Variants in WDR37 observed in about 807,000 individuals in gnomAD.
The protein encoded by WDR37 is WD repeat domain 37.
In WDR37, 19 loss-of-function variants were observed where a neutral mutation model predicts 62.9. That is an observed-to-expected ratio of 0.30 (90% CI 0.21 to 0.44). The LOEUF is 0.44. Among genes scored for constraint, WDR37 ranks in the 20% least tolerant of loss-of-function variants. The pLI, the probability that WDR37 is intolerant of heterozygous loss-of-function variation, is 1.00. For missense variants in WDR37, 474 were observed against 657.6 expected (o/e 0.72, Z 3.05); for synonymous variants, 250 against 260.9 (o/e 0.96, Z 0.40).
intron 7 of WDR37, among the ~76,000 whole-genome samples, chr10:1,089,931 T>G (rs539707339): frequency 6.6e-6 from 1 of 152,330 alleles, no homozygotes; most frequent in African/African-American, 2.4e-5. Context: ...GTCTCTCCTC[T>G]TCCTCCTGGG....
intron 1 of WDR37, among the ~76,000 whole-genome samples, chr10:1,070,513 T>G (rs1445093740): frequency 6.6e-6 from 1 of 152,176 alleles, no homozygotes; most frequent in African/African-American, 2.4e-5. Context: ...ACGACTTCCT[T>G]GAATTCTAAG....
intron 2 of WDR37, among the ~76,000 whole-genome samples, chr10:1,075,201 C>G (rs1314729637): frequency 1.3e-5 from 2 of 151,908 alleles, no homozygotes; most frequent in Admixed American, 6.6e-5. Context: ...CCTCATTTCT[C>G]TGTGCATTTA....
rs1280522580 is a variant in WDR37 at position 1,121,258 on chromosome 10, C to T, written c.1104-2960C>T. ...GGAGTTAGGCGATCTTTTGTTGAGCCTTTTTTCCTATTAATTTAGCAGAAT... is the reference window on the plus strand; with the variant it reads ...GGAGTTAGGCGATCTTTTGTTGAGCTTTTTTTCCTATTAATTTAGCAGAAT... On this transcript the variant is annotated intron_variant, in intron 11 of 13. Coordinates refer to ENST00000263150, the MANE Select transcript of WDR37 (RefSeq NM_014023.4). This position sits in a 1 kb window ranked among gnomAD's most constrained non-coding sequence, Gnocchi z 4.5. Among the ~76,000 whole-genome samples, 1 of 152,134 alleles carries T rather than the reference C, an allele frequency of 6.6e-6. No homozygotes were observed. The highest frequency in any genetic ancestry group is 1.5e-5 in the Non-Finnish European group (1 of 68,034).
intron 13 of WDR37, among the ~76,000 whole-genome samples, 180 bp from the exon 14 acceptor site, chr10:1,129,033 A>G (rs765119973): frequency 6.9e-6 from 1 of 144,770 alleles, no homozygotes; most frequent in Non-Finnish European, 1.5e-5. Flanking sequence ...ACGGTGGTCC[A>G]TGATCTGTGG....
At position 1,056,727 on chromosome 10, in the gene WDR37, C is replaced by CGGGTGTGGGGCGG. The variant is rs1833183482; in HGVS notation, c.-281_-269dup. ...GCCGGGGCGTGACTTCCGGCGCCGC[C>CGGGTGTGGGGCGG]GGGTGTGGGGCGGAGGTGTGGGGCG... On this transcript the variant is annotated 5_prime_UTR_variant, in exon 1 of 14. Transcript: ENST00000263150. The CGGGTGTGGGGCGG allele has an allele frequency of 1.3e-5, 2 of 152,260 alleles. 1 individual carries two copies. The highest frequency in any genetic ancestry group is 4.1e-4 in the South Asian group (2 of 4,838). 9.4% of individuals were successfully genotyped at this position (152,260 alleles called of 1,614,324 possible).
chr10:1,069,004 G>A (rs1185784966), intron 1 of WDR37, among the ~76,000 whole-genome samples: 4 of 152,168 alleles, frequency 2.6e-5, no homozygotes, highest in African/African-American at 9.7e-5. Flanking sequence ...TTCATATGGA[G>A]AGAAAGTAAA....
At position 1,103,820 on chromosome 10, in the gene WDR37, C is replaced by T. The variant is rs907073753; in HGVS notation, c.945C>T (p.Leu315=). The change falls in exon 10 of 14, where the codon CTC becomes CTT. Residue 315 remains leucine, a synonymous_variant. Transcript: ENST00000263150. The surrounding 1 kb of genome is among the most constrained non-coding windows in gnomAD (Gnocchi z 6.3). The part of the protein sequence containing the change: ...ANLYDVETSE[L]VHSLTGHDQE... ...TGTACGACGTGGAGACGTCCGAGCTCGTTCACTCTCTGACAGGTGCCTGGG... is the reference window on the plus strand; with the variant it reads ...TGTACGACGTGGAGACGTCCGAGCTTGTTCACTCTCTGACAGGTGCCTGGG... 18 of 1,614,036 alleles carry T rather than the reference C, an allele frequency of 1.1e-5. No homozygotes were observed. Among genetic ancestry groups the T allele is most frequent in the Non-Finnish European group, 1.5e-5 (18 of 1,179,998 alleles).
At position 1,072,014 on chromosome 10, in the gene WDR37, G is replaced by A. The variant is rs893671046; in HGVS notation, c.-40-102G>A. 3.3e-6 allele frequency: 3 copies of A among 907,790 alleles called. No individual in the cohort carries two copies. In the African/African-American group the frequency reaches 5.1e-5, roughly 15 times the overall value. 56.2% of individuals were successfully genotyped at this position (907,790 alleles called of 1,614,324 possible). ...AATTATATAGTTAATGTTAACTATA[G>A]TAAGGAAGCTTGTAATTAGAAGTCA... On this transcript the variant is annotated intron_variant, in intron 1 of 13. Transcript: ENST00000263150.
In WDR37 at chr10:1,080,488, A is replaced by G. The variant is rs201954420; in HGVS notation, c.396+12A>G. 129 of 1,614,148 alleles carry G rather than the reference A, an allele frequency of 8.0e-5. No homozygotes were observed. In the East Asian group the frequency reaches 2.9e-3, roughly 36 times the overall value. On this transcript the variant is annotated intron_variant, in intron 5 of 13. Transcript: ENST00000263150. ...CTTCCACCAGCAAGGTATGCAGGCC[A>G]CTGGCTCTTGAGCCATCATGTGGTG...
At chr10:1,116,555 A>G (rs1336128781) in intron 11 of WDR37, among the ~76,000 whole-genome samples, 1 of 152,210 alleles carries the variant, frequency 6.6e-6, no homozygotes, top group East Asian at 1.9e-4. Context: ...TATTTTTAGG[A>G]AGTGTATAGA....
intron 13 of WDR37, among the ~76,000 whole-genome samples, chr10:1,128,233 A>G (rs1460480905): frequency 1.3e-5 from 2 of 152,174 alleles, no homozygotes; most frequent in Admixed American, 6.5e-5. Flanking sequence ...TAATCTGTCA[A>G]CTTTACTTAA....
Position 1,084,437 on chromosome 10 carries a change from C to T in WDR37, c.431C>T (p.Ala144Val), listed in dbSNP as rs1834130956. 3.1e-6 allele frequency: 5 copies of T among 1,614,208 alleles called. No individual in the cohort carries two copies. The highest frequency in any genetic ancestry group is 4.2e-6 in the Non-Finnish European group (5 of 1,180,012). ...AGCTTTAAGACCACGACATCGAGAG[C>T]TGCCTGCCAGCTCGTGAAGGAGTAC... ...VSSFKTTTSR[A>V]ACQLVKEYIG... The change falls in exon 6 of 14, where the codon GCT becomes GTT. Residue 144 changes from alanine (A) to valine (V), a missense_variant. Ala to Val is a moderately conservative substitution (Grantham distance 64). Coordinates refer to ENST00000263150, the MANE Select transcript of WDR37 (RefSeq NM_014023.4).
chr10:1,081,068 G>A (rs191601385), intron 5 of WDR37, among the ~76,000 whole-genome samples: 35 of 152,284 alleles, frequency 2.3e-4, no homozygotes, highest in African/African-American at 8.2e-4. Flanking sequence ...GAATTTGGAG[G>A]AAGCTAATAA....
At chr10:1,126,212 T>C (rs577197983) in intron 13 of WDR37, among the ~76,000 whole-genome samples, 6 of 152,206 alleles carry the variant, frequency 3.9e-5, no homozygotes, top group South Asian at 2.1e-4. Flanking sequence ...GAGACCATCC[T>C]GACTAACACG....
chr10:1,067,166 A>C (rs1193618609), intron 1 of WDR37, among the ~76,000 whole-genome samples: 1 of 152,218 alleles, frequency 6.6e-6, no homozygotes, highest in Non-Finnish European at 1.5e-5. Context: ...ATTTTTTGAC[A>C]AAAGTCCAAA....
intron 11 of WDR37, among the ~76,000 whole-genome samples, chr10:1,120,660 G>A (rs59686718): frequency 0.18 from 27,542 of 152,160 alleles, 2,773 homozygotes; most frequent in East Asian, 0.28. Context: ...ACACACAGGC[G>A]TGCTCCTCAG....
At chr10:1,079,860 A>T in intron 3 of WDR37, 151 bp from the exon 4 acceptor site, 1 of 615,046 alleles carries the variant, frequency 1.6e-6, no homozygotes, top group Non-Finnish European at 2.8e-6. Context: ...GAACTCTATG[A>T]ATTGTGATCT....
chr10:1,126,266 C>A (rs552024586), intron 13 of WDR37, among the ~76,000 whole-genome samples: 1 of 152,024 alleles, frequency 6.6e-6, no homozygotes, highest in Non-Finnish European at 1.5e-5. Flanking sequence ...ATCAGCCAGG[C>A]GTGGTGGCGG....
rs539043211 is a variant in WDR37 at position 1,101,179 on chromosome 10, G to A, written c.727-2423G>A. 2.0e-5 allele frequency among the ~76,000 whole-genome samples: 3 copies of A among 152,236 alleles called. No homozygotes were observed. In the East Asian group the frequency reaches 5.8e-4, roughly 29 times the overall value. On this transcript the variant is annotated intron_variant, in intron 9 of 13. Coordinates refer to ENST00000263150, the MANE Select transcript of WDR37 (RefSeq NM_014023.4). ...CTCTCATCTCCTGTCCGTCTCCCCC[G>A]TTGTTTTCTGGGGCTGCCATAACAA...
Sources: gnomAD v4.1 joint callset for allele counts (sites outside exome capture counted in the v4.1 genomes callset) on GRCh38, gnomAD v4.1.1 for gene constraint, Gnocchi (gnomAD v3.1) non-coding constraint, MANE v1.5 for transcripts, NCBI Gene and HGNC (gene_info 2026-07-23, HGNC 2026-07-21) for gene names.